ZC3H14: variants seen among roughly 807,000 people sequenced by gnomAD.
ZC3H14 encodes the protein zinc finger CCCH domain-containing protein 14.
ZC3H14 carries 31 observed loss-of-function variants against 92.4 expected under a neutral mutation model. The observed-to-expected ratio is 0.34, with a 90% CI of 0.25 to 0.45. The LOEUF is 0.45. Ranked by LOEUF, ZC3H14 falls within the 20% of genes least tolerant of loss-of-function variation. ZC3H14 has a pLI of 1.00. For missense variants in ZC3H14, 781 were observed against 897.3 expected (o/e 0.87, Z 1.66); for synonymous variants, 321 against 300.9 (o/e 1.07, Z -0.69).
chr14:88,623,570 T>C lies in ZC3H14; in HGVS notation c.*11819T>C, dbSNP rs1444723399. ...CAAGTAGCTGGGATTACAGGCACCA[T>C]GCCTGGCTAATTTTTGTATTTTTAG... On this transcript the variant is annotated 3_prime_UTR_variant, in exon 17 of 17. Coordinates refer to ENST00000251038, the MANE Select transcript of ZC3H14 (RefSeq NM_024824.5). 6.6e-6 allele frequency: 1 copy of C among 151,888 alleles called. No individual in the cohort carries two copies. Among genetic ancestry groups the C allele is most frequent in the East Asian group, 1.9e-4 (1 of 5,136 alleles). 9.4% of individuals were successfully genotyped at this position (151,888 alleles called of 1,614,324 possible).
At chr14:88,577,861 G>T in intron 8 of ZC3H14, 124 bp from the exon 9 acceptor site, 5 of 1,278,694 alleles carry the variant, frequency 3.9e-6, no homozygotes, top group Non-Finnish European at 4.5e-6. Flanking sequence ...GAGCCACTGC[G>T]CCCAGCCTGA....
In ZC3H14 at chr14:88,580,350, C is replaced by T. The variant is rs118148028; in HGVS notation, c.1279+2210C>T. Reference sequence around the variant, plus strand: ...TAGAAAGAACTCGAAAGAATTAGTGCGTCTTAATAAAATAAAACATGCGTG... The same window carrying T: ...TAGAAAGAACTCGAAAGAATTAGTGTGTCTTAATAAAATAAAACATGCGTG... On this transcript the variant is annotated intron_variant, in intron 9 of 16. Coordinates refer to ENST00000251038, the MANE Select transcript of ZC3H14 (RefSeq NM_024824.5). 1.9e-3 allele frequency among the ~76,000 whole-genome samples: 288 copies of T among 152,118 alleles called. 5 individuals carry two copies. In the East Asian group the frequency reaches 0.048, roughly 25 times the overall value.
intron 13 of ZC3H14, 134 bp downstream of exon 13, chr14:88,607,497 CCCT>C: frequency 1.1e-6 from 1 of 935,390 alleles, no homozygotes; most frequent in Non-Finnish European, 1.7e-6. Flanking sequence ...CACATCTCAA[CCCT>C]CAAGTGAGTA....
chr14:88,607,401 A>ACCAT, intron 13 of ZC3H14, 38 bp downstream of exon 13: 1 of 1,384,052 alleles, frequency 7.2e-7, no homozygotes, highest in South Asian at 1.1e-5. Context: ...GCAAGTGAGT[A>ACCAT]CCATCCCCCC....
intron 9 of ZC3H14, chr14:88,594,693 T>G (rs762997377): frequency 2.5e-6 from 4 of 1,613,520 alleles, no homozygotes; most frequent in Non-Finnish European, 2.5e-6. Context: ...GGAGAGAATT[T>G]TATGAAAATG....
intron 1 of ZC3H14, 72 bp downstream of exon 1, chr14:88,563,241 C>T: frequency 6.4e-7 from 1 of 1,560,716 alleles, no homozygotes; most frequent in Non-Finnish European, 8.6e-7. Flanking sequence ...GTAACGGGGA[C>T]TGTGGGCCCG....
At chr14:88,590,141 A>T (rs894674399) in intron 9 of ZC3H14, 1 of 151,690 alleles carries the variant, frequency 6.6e-6, no homozygotes, top group Non-Finnish European at 1.5e-5. Flanking sequence ...AAAAAAAAAA[A>T]GGCAAAAAAA....
At chr14:88,611,702 A>G in intron 16 of ZC3H14, 43 bp from the exon 17 acceptor site, 3 of 1,613,516 alleles carry the variant, frequency 1.9e-6, no homozygotes, top group Non-Finnish European at 2.5e-6. Flanking sequence ...ATATATGGAT[A>G]CAAAGCAGAT....
In ZC3H14 at chr14:88,622,569, T is replaced by G. The variant is rs1371513701; in HGVS notation, c.*10818T>G. On this transcript the variant is annotated 3_prime_UTR_variant, in exon 17 of 17. Coordinates refer to ENST00000251038, the MANE Select transcript of ZC3H14 (RefSeq NM_024824.5). ...TCACAGTAATAACCACTTTCTGTTT[T>G]CTGCTGCACTGTATCAGCTCATGGA... 3 of 1,480,174 alleles carry G rather than the reference T, an allele frequency of 2.0e-6. No homozygotes were observed. In the African/African-American group the frequency reaches 4.3e-5, roughly 21 times the overall value. 91.7% of individuals were successfully genotyped at this position (1,480,174 alleles called of 1,614,324 possible).
In ZC3H14 at chr14:88,624,498, G is replaced by A. The variant is rs946735369; in HGVS notation, c.*12747G>A. 10 of 155,930 alleles carry A rather than the reference G, an allele frequency of 6.4e-5. No individual in the cohort carries two copies. The highest frequency in any genetic ancestry group is 1.1e-4 in the Non-Finnish European group (8 of 70,564). 9.7% of individuals were successfully genotyped at this position (155,930 alleles called of 1,614,324 possible). On this transcript the variant is annotated 3_prime_UTR_variant, in exon 17 of 17. Coordinates refer to ENST00000251038, the MANE Select transcript of ZC3H14 (RefSeq NM_024824.5). Reference sequence around the variant, plus strand: ...ACCTCTTCTCAAATTTTGAGGTCTTGTATAAAACAGTTTAAATTTGCCTCA... The same window carrying A: ...ACCTCTTCTCAAATTTTGAGGTCTTATATAAAACAGTTTAAATTTGCCTCA...
intron 3 of ZC3H14, among the ~76,000 whole-genome samples, chr14:88,570,081 A>G (rs1409789212): frequency 6.6e-6 from 1 of 152,250 alleles, no homozygotes; most frequent in Non-Finnish European, 1.5e-5. Flanking sequence ...TTTTTAAAAC[A>G]GACTACCAAA....
intron 9 of ZC3H14, chr14:88,595,140 G>T: frequency 6.2e-7 from 1 of 1,601,702 alleles, no homozygotes; most frequent in Non-Finnish European, 8.5e-7. Context: ...ATATGTTCTA[G>T]GTACCCATCC....
chr14:88,600,906 C>T (rs549108319), intron 10 of ZC3H14, among the ~76,000 whole-genome samples: 12 of 152,290 alleles, frequency 7.9e-5, no homozygotes, highest in Admixed American at 2.6e-4. Context: ...CAGATGCCTT[C>T]GGCCTTGTGA....
chr14:88,618,767 G>A lies in ZC3H14; in HGVS notation c.*7016G>A. The A allele has an allele frequency of 6.2e-7, 1 of 1,600,840 alleles. No individual in the cohort carries two copies. Among genetic ancestry groups the A allele is most frequent in the Non-Finnish European group, 8.5e-7 (1 of 1,172,588 alleles). On this transcript the variant is annotated 3_prime_UTR_variant, in exon 17 of 17. Coordinates refer to ENST00000251038, the MANE Select transcript of ZC3H14 (RefSeq NM_024824.5). ...GCGTTAGGTCATAAAAATCCACTGAGTTCTCACTAGAACCTACTGCCAGAT... is the reference window on the plus strand; with the variant it reads ...GCGTTAGGTCATAAAAATCCACTGAATTCTCACTAGAACCTACTGCCAGAT...
At chr14:88,584,462 T>C (rs1394370837) in intron 9 of ZC3H14, among the ~76,000 whole-genome samples, 2 of 152,204 alleles carry the variant, frequency 1.3e-5, no homozygotes, top group African/African-American at 2.4e-5. Context: ...TATCAAAATA[T>C]ATGCACACAA....
At chr14:88,603,822 T>C (rs1381167069) in intron 12 of ZC3H14, among the ~76,000 whole-genome samples, 6 of 152,212 alleles carry the variant, frequency 3.9e-5, no homozygotes, top group Non-Finnish European at 7.3e-5. Context: ...GTAATCCTCT[T>C]CTTGGAAGAG....
intron 6 of ZC3H14, among the ~76,000 whole-genome samples, chr14:88,574,008 A>G (rs2139622804): frequency 6.6e-6 from 1 of 152,238 alleles, no homozygotes; most frequent in East Asian, 1.9e-4. Context: ...CTTTTGTATC[A>G]CATCTGTATA....
chr14:88,571,063 G>GT, intron 3 of ZC3H14, 21 bp from the exon 4 acceptor site: 1 of 1,526,840 alleles, frequency 6.5e-7, no homozygotes, highest in African/African-American at 1.4e-5. Flanking sequence ...GTTTATTTTT[G>GT]TTTTTTGTTT....
chr14:88,627,482 T>C lies in ZC3H14; in HGVS notation c.*15731T>C. The stretch of plus-strand genomic sequence containing the variant: ...GTGAGGTTACAGTTCCACTGGGCTT[T>C]TAAAGTGAAATATACCTACAGTACC... On this transcript the variant is annotated 3_prime_UTR_variant, in exon 17 of 17. Transcript: ENST00000251038. The C allele has an allele frequency of 1.6e-6, 1 of 622,306 alleles. No homozygotes were observed. Among genetic ancestry groups the C allele is most frequent in the Non-Finnish European group, 2.6e-6 (1 of 385,658 alleles). The allele number at this position is 622,306 out of a possible 1,614,324, so 38.5% of individuals were successfully genotyped here.
Sources: allele counts gnomAD v4.1 joint callset (sites outside exome capture counted in the v4.1 genomes callset), GRCh38; gene constraint gnomAD v4.1.1; transcripts MANE v1.5; gene names NCBI Gene and HGNC (gene_info 2026-07-23, HGNC 2026-07-21).